TAFA5: variants seen among roughly 807,000 people sequenced by gnomAD.
TAFA5 encodes TAFA chemokine like family member 5, also known as chemokine-like protein TAFA-5.
A neutral mutation model predicts 15.3 loss-of-function variants in TAFA5; 6 were observed. That is an observed-to-expected ratio of 0.39 (90% CI 0.21 to 0.77). The LOEUF is 0.77. Among genes scored for constraint, TAFA5 ranks in the 30% least tolerant of loss-of-function variants. The pLI is 0.41. For missense variants in TAFA5, 161 were observed against 193.1 expected (o/e 0.83, Z 0.98); for synonymous variants, 103 against 80.7 (o/e 1.28, Z -1.48).
At chr22:48,660,646 G>A (rs540235368) in intron 2 of TAFA5, among the ~76,000 whole-genome samples, 13 of 152,362 alleles carry the variant, frequency 8.5e-5, no homozygotes, top group East Asian at 5.8e-4. Flanking sequence ...TCAGCACCTC[G>A]TGGAGGCAGA....
At chr22:48,631,818 A>C (rs1023439267) in intron 1 of TAFA5, among the ~76,000 whole-genome samples, 2 of 152,234 alleles carry the variant, frequency 1.3e-5, no homozygotes, top group East Asian at 1.9e-4. Flanking sequence ...TGTGGGAAGG[A>C]CAGCAGGGGG....
At chr22:48,562,265 G>A (rs1923258291) in intron 1 of TAFA5, among the ~76,000 whole-genome samples, 1 of 151,920 alleles carries the variant, frequency 6.6e-6, no homozygotes, top group Admixed American at 6.6e-5. Flanking sequence ...AGCCTCCTGA[G>A]TAGCTGGGAC....
chr22:48,523,401 G>T (rs1035107516), intron 1 of TAFA5, among the ~76,000 whole-genome samples: 5 of 152,254 alleles, frequency 3.3e-5, no homozygotes, highest in African/African-American at 4.8e-5. Context: ...TGGCCGGCTC[G>T]CGGCATTCCG....
chr22:48,595,407 G>T (rs117362503), intron 1 of TAFA5, among the ~76,000 whole-genome samples: 3,428 of 152,386 alleles, frequency 0.022, 87 homozygotes, highest in Admixed American at 0.075. Context: ...GCAGCTGACA[G>T]AGCAGGGGCT....
chr22:48,516,431 T>A (rs1245927124), intron 1 of TAFA5, among the ~76,000 whole-genome samples: 1 of 151,932 alleles, frequency 6.6e-6, no homozygotes, highest in African/African-American at 2.4e-5. Flanking sequence ...AGTGGAATAT[T>A]CAGTGCAGAC....
chr22:48,497,092 C>A (rs911822243), intron 1 of TAFA5, among the ~76,000 whole-genome samples: 1 of 152,194 alleles, frequency 6.6e-6, no homozygotes, highest in Non-Finnish European at 1.5e-5. Flanking sequence ...GGCTTCCTCC[C>A]GGTGCCAGCT....
chr22:48,733,941 A>C (rs76769166), intron 3 of TAFA5, among the ~76,000 whole-genome samples: 6,176 of 152,244 alleles, frequency 0.041, 320 homozygotes, highest in African/African-American at 0.13. Flanking sequence ...CCCACCTGCC[A>C]AGAGCTGGAA....
chr22:48,515,654 C>A (rs1921377338), intron 1 of TAFA5, among the ~76,000 whole-genome samples: 1 of 152,228 alleles, frequency 6.6e-6, no homozygotes, highest in African/African-American at 2.4e-5. Flanking sequence ...CCCCTGAGGC[C>A]TCATTGCACC....
chr22:48,530,185 A>C lies in TAFA5; in HGVS notation c.112+40481A>C, dbSNP rs1050132828. 6.6e-6 allele frequency among the ~76,000 whole-genome samples: 1 copy of C among 152,108 alleles called. No individual in the cohort carries two copies. ...TCGAGGAGGAGGAGGCTGGGCCTGC[A>C]TCACCTCCATTTTTGCATGCATGAG... On this transcript the variant is annotated intron_variant, in intron 1 of 3. Coordinates refer to ENST00000402357, the MANE Select transcript of TAFA5 (RefSeq NM_001082967.3). The surrounding 1 kb of genome is among the most constrained non-coding windows in gnomAD (Gnocchi z 6.0).
rs949231208 is a variant in TAFA5 at position 48,530,751 on chromosome 22, G to T, written c.112+41047G>T. On this transcript the variant is annotated intron_variant, in intron 1 of 3. Coordinates refer to ENST00000402357, the MANE Select transcript of TAFA5 (RefSeq NM_001082967.3). This position sits in a 1 kb window ranked among gnomAD's most constrained non-coding sequence, Gnocchi z 6.0. ...CCACCTGGTTCACACCTGACCCCCAGGCCCACCCCTTCAGGGGGCCGGTGG... is the reference window on the plus strand; with the variant it reads ...CCACCTGGTTCACACCTGACCCCCATGCCCACCCCTTCAGGGGGCCGGTGG... Among the ~76,000 whole-genome samples, 14 of 152,158 alleles carry T rather than the reference G, an allele frequency of 9.2e-5. No homozygotes were observed. Among genetic ancestry groups the T allele is most frequent in the Non-Finnish European group, 1.8e-4 (12 of 68,030 alleles).
intron 1 of TAFA5, among the ~76,000 whole-genome samples, chr22:48,611,619 C>T (rs1362030292): frequency 6.6e-6 from 1 of 152,164 alleles, no homozygotes; most frequent in Non-Finnish European, 1.5e-5. Context: ...CTGAGACCTT[C>T]AGAGATGTCG....
chr22:48,731,689 C>T (rs130207), intron 3 of TAFA5, among the ~76,000 whole-genome samples: 33,217 of 152,102 alleles, frequency 0.22, 4,877 homozygotes, highest in Non-Finnish European at 0.32. Flanking sequence ...TTAAGCCCAC[C>T]GATGAGACCT....
chr22:48,583,310 CCACA>C (rs1274571816), intron 1 of TAFA5, among the ~76,000 whole-genome samples: 3 of 144,742 alleles, frequency 2.1e-5, no homozygotes, highest in Non-Finnish European at 4.6e-5. Flanking sequence ...CACACACACA[CCACA>C]CACTATACAC....
At chr22:48,711,383 G>A (rs1192646843) in intron 3 of TAFA5, among the ~76,000 whole-genome samples, 1 of 150,368 alleles carries the variant, frequency 6.7e-6, no homozygotes, top group African/African-American at 2.5e-5. Flanking sequence ...ATCTCGGTGA[G>A]TGACCGTGTG....
At chr22:48,593,232 T>A (rs1924638518) in intron 1 of TAFA5, among the ~76,000 whole-genome samples, 1 of 152,074 alleles carries the variant, frequency 6.6e-6, no homozygotes, top group Admixed American at 6.5e-5. Context: ...CAGCCTGGTG[T>A]ATAAAGCGGA....
intron 1 of TAFA5, among the ~76,000 whole-genome samples, chr22:48,643,731 A>T (rs1027600430): frequency 6.6e-6 from 1 of 152,162 alleles, no homozygotes; most frequent in Non-Finnish European, 1.5e-5. Flanking sequence ...GGCACCAGCT[A>T]CTGTAGGTGG....
At chr22:48,664,916 T>C (rs1927560694) in intron 2 of TAFA5, among the ~76,000 whole-genome samples, 1 of 152,182 alleles carries the variant, frequency 6.6e-6, no homozygotes, top group Non-Finnish European at 1.5e-5. Context: ...GGTGCACGTC[T>C]CCGAGTGGCT....
intron 3 of TAFA5, among the ~76,000 whole-genome samples, chr22:48,739,587 CTG>C (rs1195643916): frequency 6.6e-6 from 1 of 152,188 alleles, no homozygotes; most frequent in African/African-American, 2.4e-5. Flanking sequence ...GTGGCCGGCA[CTG>C]TAATTGCTGA....
chr22:48,585,617 C>T (rs971071004), intron 1 of TAFA5, among the ~76,000 whole-genome samples: 5 of 151,150 alleles, frequency 3.3e-5, no homozygotes, highest in African/African-American at 7.3e-5. Flanking sequence ...CAACAAAATA[C>T]ACCACACACA....
Sources: gnomAD v4.1 joint callset for allele counts (sites outside exome capture counted in the v4.1 genomes callset) on GRCh38, gnomAD v4.1.1 for gene constraint, Gnocchi (gnomAD v3.1) non-coding constraint, MANE v1.5 for transcripts, NCBI Gene and HGNC (gene_info 2026-07-23, HGNC 2026-07-21) for gene names.